The following LRRC72 variants were observed in gnomAD, a reference collection of about 807,000 sequenced individuals.
The protein encoded by LRRC72 is leucine rich repeat containing 72, also known as leucine-rich repeat-containing protein 72.
In LRRC72, 41 loss-of-function variants were observed where a neutral mutation model predicts 35.8. The ratio of observed to expected loss-of-function variants is 1.15; its 90% CI spans 0.89 to 1.49. LRRC72 has a LOEUF of 1.49. Ranked by LOEUF, LRRC72 falls within the 40% of genes most tolerant of loss-of-function variation. LRRC72 has a pLI of 0.00. For synonymous variants in LRRC72, 118 were observed against 119.2 expected (o/e 0.99, Z 0.07); for missense variants, 389 against 330.7 (o/e 1.18, Z -1.37).
chr7:16,569,756 C>T (rs1034624124), intron 7 of LRRC72, among the ~76,000 whole-genome samples: 4 of 151,626 alleles, frequency 2.6e-5, no homozygotes, highest in African/African-American at 7.3e-5. Context: ...AGTGGCCAGG[C>T]GTGGTGGCTC....
intron 5 of LRRC72, among the ~76,000 whole-genome samples, chr7:16,562,848 G>C (rs1345058492): frequency 6.6e-6 from 1 of 152,180 alleles, no homozygotes; most frequent in Non-Finnish European, 1.5e-5. Context: ...CTGAAAAAGA[G>C]GATATTCTGA....
chr7:16,544,819 T>G lies in LRRC72; in HGVS notation c.234+7123T>G, dbSNP rs140196637. On this transcript the variant is annotated intron_variant, in intron 3 of 8. Coordinates refer to ENST00000401542, the MANE Select transcript of LRRC72 (RefSeq NM_001195280.2). ...TTTTGTCTCAGATGAAGAACCTGTC[T>G]AATGCCTCACCAAGCAAGTATTCAA... Among the ~76,000 whole-genome samples the G allele has an allele frequency of 1.2e-3, 179 of 152,346 alleles. 3 individuals carry two copies. In the East Asian group the frequency reaches 0.029, roughly 25 times the overall value.
intron 5 of LRRC72, among the ~76,000 whole-genome samples, chr7:16,560,715 C>A (rs548258261): frequency 1.3e-5 from 2 of 151,230 alleles, no homozygotes; most frequent in South Asian, 4.2e-4. Context: ...CGTTTCTCAC[C>A]ATTAATGTTA....
rs1383583223 is a variant in LRRC72 at position 16,581,416 on chromosome 7, C to T, written c.791C>T (p.Pro264Leu). Residue 264 changes from proline (P) to leucine (L), a missense_variant, in exon 9 of 9, where the codon CCA (proline) becomes CTA (leucine). Pro to Leu is a moderately conservative substitution (Grantham distance 98). Coordinates refer to ENST00000401542, the MANE Select transcript of LRRC72 (RefSeq NM_001195280.2). Reference protein sequence around the residue: ...TLTSMNWDTVPTREERYLEEE... With the variant: ...TLTSMNWDTVLTREERYLEEE... The stretch of plus-strand genomic sequence containing the variant: ...ACCTCTATGAACTGGGACACAGTTC[C>T]AACACGAGAGGAAAGGTACCTTGAA... 4 of 1,549,926 alleles carry T rather than the reference C, an allele frequency of 2.6e-6. No individual in the cohort carries two copies. The Admixed American group carries it at 7.9e-5, about 30-fold the overall frequency.
chr7:16,532,847 G>T, intron 2 of LRRC72: 1 of 456,574 alleles, frequency 2.2e-6, no homozygotes, highest in Non-Finnish European at 4.0e-6. Flanking sequence ...TCACTATTAG[G>T]ATTGTCAGAT....
At chr7:16,534,368 T>A (rs1410359179) in intron 2 of LRRC72, among the ~76,000 whole-genome samples, 1 of 152,236 alleles carries the variant, frequency 6.6e-6, no homozygotes, top group African/African-American at 2.4e-5. Context: ...TAAACCCTTC[T>A]GACGTGAAAG....
chr7:16,540,623 C>A (rs747520561), intron 3 of LRRC72, among the ~76,000 whole-genome samples: 2 of 152,144 alleles, frequency 1.3e-5, no homozygotes, highest in Non-Finnish European at 2.9e-5. Flanking sequence ...GTAATCCCCA[C>A]GTGTCAGGGG....
At chr7:16,547,370 A>AT (rs1782466085) in intron 3 of LRRC72, among the ~76,000 whole-genome samples, 4 of 151,992 alleles carry the variant, frequency 2.6e-5, no homozygotes, top group African/African-American at 7.2e-5. Flanking sequence ...TGCTCCACGG[A>AT]GATAGCAGGA....
At chr7:16,541,182 G>C (rs1425983097) in intron 3 of LRRC72, among the ~76,000 whole-genome samples, 1 of 152,186 alleles carries the variant, frequency 6.6e-6, no homozygotes, top group East Asian at 1.9e-4. Flanking sequence ...CAGTAAGCTA[G>C]TGACTAGGTT....
chr7:16,543,582 A>C (rs1782396133), intron 3 of LRRC72, among the ~76,000 whole-genome samples: 1 of 152,194 alleles, frequency 6.6e-6, no homozygotes, highest in African/African-American at 2.4e-5. Context: ...GGCCCCACTT[A>C]GGTCCATGGG....
At chr7:16,556,350 T>C (rs1562746163) in intron 3 of LRRC72, among the ~76,000 whole-genome samples, 1 of 152,198 alleles carries the variant, frequency 6.6e-6, no homozygotes, top group Non-Finnish European at 1.5e-5. Context: ...AAAACTCTAG[T>C]GTTCAAGTGA....
chr7:16,565,037 T>C (rs1043072655), intron 5 of LRRC72, among the ~76,000 whole-genome samples: 4 of 152,094 alleles, frequency 2.6e-5, no homozygotes, highest in Admixed American at 2.6e-4. Flanking sequence ...AGTGAAGGAG[T>C]TGTGCGGTAG....
chr7:16,567,241 C>G, intron 6 of LRRC72, 150 bp from the exon 7 acceptor site: 2 of 526,136 alleles, frequency 3.8e-6, no homozygotes, highest in Non-Finnish European at 6.4e-6. Context: ...TGGAAATAAG[C>G]GTGATAGCCC....
chr7:16,567,656 C>T (rs1210452097), intron 7 of LRRC72, 113 bp downstream of exon 7: 3 of 873,116 alleles, frequency 3.4e-6, no homozygotes, highest in Non-Finnish European at 4.8e-6. Flanking sequence ...ACTTAAGTAT[C>T]TATGTAATGG....
At chr7:16,553,135 A>G (rs575595031) in intron 3 of LRRC72, among the ~76,000 whole-genome samples, 60 of 152,268 alleles carry the variant, frequency 3.9e-4, no homozygotes, top group Middle Eastern at 3.4e-3. Context: ...TTTTGGGGCT[A>G]TTGTTGAAAT....
chr7:16,567,675 C>G, intron 7 of LRRC72, 132 bp downstream of exon 7: 1 of 821,906 alleles, frequency 1.2e-6, no homozygotes. Flanking sequence ...GGAATAATTT[C>G]TAATATATTT....
intron 1 of LRRC72, chr7:16,530,371 T>A (rs1278230107): frequency 6.6e-6 from 1 of 152,172 alleles, no homozygotes; most frequent in Admixed American, 6.5e-5. Flanking sequence ...TGTTTTTCTG[T>A]TCTATTGGGG....
Position 16,564,292 on chromosome 7 carries a change from T to C in LRRC72, c.428-2021T>C, listed in dbSNP as rs555863953. On this transcript the variant is annotated intron_variant, in intron 5 of 8. Coordinates refer to ENST00000401542, the MANE Select transcript of LRRC72 (RefSeq NM_001195280.2). ...CTTTTTCTTCCTTCTGAGTTCTCAT[T>C]AGAAACAATTGTGTTTTGCTTTTAT... 3.9e-5 allele frequency among the ~76,000 whole-genome samples: 6 copies of C among 152,308 alleles called. 1 individual carries two copies. The South Asian group carries it at 1.2e-3, about 32-fold the overall frequency.
intron 5 of LRRC72, among the ~76,000 whole-genome samples, chr7:16,562,846 G>A (rs1782766431): frequency 1.3e-5 from 2 of 152,204 alleles, no homozygotes; most frequent in Admixed American, 6.5e-5. Flanking sequence ...TCCTGAAAAA[G>A]AGGATATTCT....
Sources: allele counts gnomAD v4.1 joint callset (sites outside exome capture counted in the v4.1 genomes callset), GRCh38; gene constraint gnomAD v4.1.1; transcripts MANE v1.5; gene names NCBI Gene and HGNC (gene_info 2026-07-23, HGNC 2026-07-21).